The following TXNL4A variants were observed in gnomAD, a reference collection of about 807,000 sequenced individuals.
The protein encoded by TXNL4A is thioredoxin-like protein 4A.
In TXNL4A, 17 loss-of-function variants were observed where a neutral mutation model predicts 14.6. That is an observed-to-expected ratio of 1.16 (90% CI 0.80 to 1.74). TXNL4A has a LOEUF of 1.74. Among genes scored for constraint, TXNL4A ranks in the 40% most tolerant of loss-of-function variants. The probability of loss-of-function intolerance (pLI) is 0.00; values close to 1 mark genes in which losing one functional copy is unlikely to be tolerated. For synonymous variants in TXNL4A, 83 were observed against 70.6 expected (o/e 1.18, Z -0.88); for missense variants, 74 against 195.2 (o/e 0.38, Z 3.70).
At chr18:80,001,734 C>T (rs943234814) in intron 1 of TXNL4A, among the ~76,000 whole-genome samples, 16 of 152,148 alleles carry the variant, frequency 1.1e-4, no homozygotes, top group Admixed American at 2.0e-4. Context: ...GCTAATTTCT[C>T]TAATTTCGAA....
At chr18:80,013,052 G>C (rs964262499) in intron 1 of TXNL4A, among the ~76,000 whole-genome samples, 4 of 148,758 alleles carry the variant, frequency 2.7e-5, no homozygotes, top group Non-Finnish European at 5.9e-5. Flanking sequence ...GTCAGCCCTC[G>C]ACACAAGGGT....
intron 1 of TXNL4A, among the ~76,000 whole-genome samples, chr18:79,997,355 C>G (rs939276697): frequency 6.6e-6 from 1 of 151,584 alleles, no homozygotes; most frequent in South Asian, 2.1e-4. Flanking sequence ...GCACAAGCCC[C>G]TGCAACAGCC....
chr18:80,001,878 T>A (rs762141771), intron 1 of TXNL4A, among the ~76,000 whole-genome samples: 39 of 152,174 alleles, frequency 2.6e-4, no homozygotes, highest in African/African-American at 8.0e-4. Context: ...ACTTTTGAGT[T>A]AATGCTAAAA....
chr18:80,031,705 A>G (rs1210290689), intron 1 of TXNL4A, among the ~76,000 whole-genome samples: 1 of 152,242 alleles, frequency 6.6e-6, no homozygotes, highest in Non-Finnish European at 1.5e-5. Context: ...GCAAAATCAT[A>G]TGGCTTTAGA....
chr18:80,001,667 T>G (rs962563027), intron 1 of TXNL4A, among the ~76,000 whole-genome samples: 5 of 152,238 alleles, frequency 3.3e-5, no homozygotes, highest in Non-Finnish European at 7.3e-5. Context: ...ACTTTAAAGT[T>G]TAATGACTGC....
chr18:79,975,533 TG>T (rs1353103741), intron 2 of TXNL4A, among the ~76,000 whole-genome samples: 1 of 152,158 alleles, frequency 6.6e-6, no homozygotes, highest in Admixed American at 6.5e-5. Flanking sequence ...CTGCACGCTG[TG>T]GGGGGCAGAG....
chr18:80,007,963 C>T (rs1320112134), intron 1 of TXNL4A, among the ~76,000 whole-genome samples: 1 of 152,022 alleles, frequency 6.6e-6, no homozygotes, highest in East Asian at 1.9e-4. Flanking sequence ...ACAGCCTAGG[C>T]AACATAGTAA....
At chr18:79,997,257 T>C (rs2051669031) in intron 1 of TXNL4A, among the ~76,000 whole-genome samples, 1 of 151,568 alleles carries the variant, frequency 6.6e-6, no homozygotes, top group Non-Finnish European at 1.5e-5. Flanking sequence ...CTACCCAACC[T>C]CAAACAGTAT....
intron 1 of TXNL4A, among the ~76,000 whole-genome samples, chr18:80,020,084 A>T (rs1157036442): frequency 1.3e-5 from 2 of 152,152 alleles, no homozygotes; most frequent in Non-Finnish European, 2.9e-5. Flanking sequence ...TTCTCATGAT[A>T]GTGAATGAGT....
intron 1 of TXNL4A, among the ~76,000 whole-genome samples, chr18:80,017,047 G>T (rs1411707921): frequency 3.4e-4 from 51 of 149,804 alleles, no homozygotes; most frequent in Admixed American, 2.5e-3. Flanking sequence ...TTGAGCAGTG[G>T]TTTGTAGTTC....
intron 1 of TXNL4A, chr18:79,986,752 T>G: frequency 2.0e-6 from 2 of 985,468 alleles, no homozygotes; most frequent in Non-Finnish European, 2.4e-6. Context: ...TGCCACCACC[T>G]GCAATGTAGA....
At position 80,006,785 on chromosome 18, in the gene TXNL4A, G is replaced by A. The variant is rs145607369; in HGVS notation, c.-61+27066C>T. ...CCCTTTGCAACCAGATGGTTTTATC[G>A]ATGAGCTTGAGAAGGTGGTGTCTGA... On this transcript the variant is annotated intron_variant, in intron 1 of 2. Transcript: ENST00000585474. Among the ~76,000 whole-genome samples, 356 of 152,290 alleles carry A rather than the reference G, an allele frequency of 2.3e-3. 1 individual carries two copies. Among genetic ancestry groups the A allele is most frequent in the Non-Finnish European group, 4.0e-3 (272 of 68,020 alleles).
At chr18:80,000,581 A>C (rs1402655280) in intron 1 of TXNL4A, among the ~76,000 whole-genome samples, 2 of 152,128 alleles carry the variant, frequency 1.3e-5, no homozygotes, top group East Asian at 3.8e-4. Flanking sequence ...GAAAAGGAAA[A>C]CCCATTTTCT....
At chr18:79,983,269 G>A (rs2051491903) in intron 1 of TXNL4A, among the ~76,000 whole-genome samples, 1 of 152,198 alleles carries the variant, frequency 6.6e-6, no homozygotes, top group Admixed American at 6.5e-5. Context: ...CCAAACTGCT[G>A]GAATTACAGG....
intron 1 of TXNL4A, among the ~76,000 whole-genome samples, chr18:79,986,994 C>A (rs982968199): frequency 6.6e-6 from 1 of 152,194 alleles, no homozygotes; most frequent in Non-Finnish European, 1.5e-5. Context: ...TTCCCTAGGT[C>A]CCTCCTCAAG....
chr18:80,001,240 C>G (rs1181470656), intron 1 of TXNL4A, among the ~76,000 whole-genome samples: 2 of 152,114 alleles, frequency 1.3e-5, no homozygotes, highest in East Asian at 3.9e-4. Context: ...GCACAGAAGT[C>G]AAGAATTGAG....
At chr18:80,025,510 T>G (rs949143050) in intron 1 of TXNL4A, among the ~76,000 whole-genome samples, 2 of 152,202 alleles carry the variant, frequency 1.3e-5, no homozygotes, top group Admixed American at 1.3e-4. Context: ...GCGTCTCATC[T>G]GGAAGATGTA....
intron 1 of TXNL4A, among the ~76,000 whole-genome samples, chr18:80,000,686 CCTCT>C (rs1003354153): frequency 6.6e-6 from 1 of 152,010 alleles, no homozygotes; most frequent in African/African-American, 2.4e-5. Flanking sequence ...TGGGAGTCTC[CCTCT>C]GTCGCCCAGG....
At chr18:80,006,759 C>G (rs1225211628) in intron 1 of TXNL4A, among the ~76,000 whole-genome samples, 2 of 152,000 alleles carry the variant, frequency 1.3e-5, no homozygotes, top group Admixed American at 6.6e-5. Context: ...AGAGGATTTC[C>G]CCCTTTGCAA....
Sources: allele counts gnomAD v4.1 joint callset (sites outside exome capture counted in the v4.1 genomes callset), GRCh38; gene constraint gnomAD v4.1.1; transcripts MANE v1.5; gene names NCBI Gene and HGNC (gene_info 2026-07-23, HGNC 2026-07-21).